Variants in ZNF366 observed in about 807,000 individuals in gnomAD.
ZNF366 encodes the protein zinc finger protein 366.
A neutral mutation model predicts 47.2 loss-of-function variants in ZNF366; 20 were observed. That is an observed-to-expected ratio of 0.42 (90% CI 0.30 to 0.62). The LOEUF (loss-of-function observed/expected upper bound fraction) is 0.62, where lower values mean the gene tolerates loss of function less well. Ranked by LOEUF, ZNF366 falls within the 20% of genes least tolerant of loss-of-function variation. The probability of loss-of-function intolerance (pLI) is 0.16; values close to 1 mark genes in which losing one functional copy is unlikely to be tolerated. For missense variants in ZNF366, 987 were observed against 976.3 expected (o/e 1.01, Z -0.15); for synonymous variants, 421 against 395.1 (o/e 1.07, Z -0.78).
At chr5:72,448,783 T>C (rs1418853204) in intron 3 of ZNF366, among the ~76,000 whole-genome samples, 8 of 152,338 alleles carry the variant, frequency 5.3e-5, no homozygotes, top group South Asian at 2.1e-4. Context: ...GAGATGAGTG[T>C]TGAGCTCGTC....
rs917339026 is a variant in ZNF366, at chr5:72,450,999, A to T, written c.1525-3582T>A. Among the ~76,000 whole-genome samples the T allele has an allele frequency of 3.3e-5, 5 of 152,350 alleles. No individual in the cohort carries two copies. In the East Asian group the frequency reaches 9.6e-4, roughly 29 times the overall value. On this transcript the variant is annotated intron_variant, in intron 3 of 4. Coordinates refer to ENST00000318442, the MANE Select transcript of ZNF366 (RefSeq NM_152625.3). ...CGAGAGGGAGGAGGAATGGATAGGA[A>T]GGACCACCAAATCTCTAGGTTCTTC...
At chr5:72,473,733 G>T (rs147539307) in intron 1 of ZNF366, among the ~76,000 whole-genome samples, 1 of 152,058 alleles carries the variant, frequency 6.6e-6, no homozygotes, top group African/African-American at 2.4e-5. Context: ...ACTGATCCCC[G>T]GGTTAAATGT....
intron 4 of ZNF366, among the ~76,000 whole-genome samples, chr5:72,446,774 G>T (rs1742969195): frequency 1.3e-5 from 2 of 152,154 alleles, no homozygotes; most frequent in South Asian, 4.1e-4. Context: ...AAGAAAAATT[G>T]CGTGCCCATT....
In ZNF366 at chr5:72,461,433, T is replaced by C; in HGVS notation, c.64A>G (p.Thr22Ala). ...TGCAGGCAGTGGGGAAAGGAGGGGG[T>C]CTTCTTCACAGCCAAGTCGAAATGC... Reference protein sequence around the residue: ...DVHFDLAVKKTPSFPHCLQPV... With the variant: ...DVHFDLAVKKAPSFPHCLQPV... Residue 22 changes from threonine (T) to alanine (A), a missense_variant, in exon 2 of 5, where the codon ACC becomes GCC. Coordinates refer to ENST00000318442, the MANE Select transcript of ZNF366 (RefSeq NM_152625.3). 1 of 1,606,270 alleles carries C rather than the reference T, an allele frequency of 6.2e-7. No homozygotes were observed. Among genetic ancestry groups the C allele is most frequent in the Non-Finnish European group, 8.5e-7 (1 of 1,174,524 alleles).
chr5:72,497,986 C>T (rs928726768), intron 1 of ZNF366, among the ~76,000 whole-genome samples: 1 of 151,754 alleles, frequency 6.6e-6, no homozygotes, highest in African/African-American at 2.4e-5. Flanking sequence ...CAAATGCTTC[C>T]TCCATTTTTT....
At chr5:72,455,928 A>C (rs945096666) in intron 3 of ZNF366, among the ~76,000 whole-genome samples, 6 of 152,100 alleles carry the variant, frequency 3.9e-5, no homozygotes, top group African/African-American at 1.4e-4. Context: ...GGCTCAGCCC[A>C]AGTGTCAAGA....
intron 1 of ZNF366, among the ~76,000 whole-genome samples, chr5:72,477,119 T>A (rs1743690048): frequency 6.6e-6 from 1 of 152,180 alleles, no homozygotes; most frequent in South Asian, 2.1e-4. Flanking sequence ...CTTTACAATA[T>A]TAAAAAAATT....
chr5:72,454,897 A>C (rs1366606921), intron 3 of ZNF366, among the ~76,000 whole-genome samples: 1 of 152,242 alleles, frequency 6.6e-6, no homozygotes, highest in Admixed American at 6.5e-5. Flanking sequence ...GCATGCAGCC[A>C]AGGCCTCACT....
chr5:72,464,659 A>T (rs1743394872), intron 1 of ZNF366, among the ~76,000 whole-genome samples: 1 of 152,174 alleles, frequency 6.6e-6, no homozygotes, highest in Admixed American at 6.5e-5. Flanking sequence ...TAATGTCATA[A>T]TATTAATTTC....
chr5:72,491,776 C>T (rs1374250923), intron 1 of ZNF366, among the ~76,000 whole-genome samples: 1 of 152,178 alleles, frequency 6.6e-6, no homozygotes, highest in Non-Finnish European at 1.5e-5. Context: ...GGCTGGGGAT[C>T]TAAAAATATA....
At chr5:72,459,992 T>C (rs889799551) in intron 2 of ZNF366, among the ~76,000 whole-genome samples, 173 bp downstream of exon 2, 2 of 152,224 alleles carry the variant, frequency 1.3e-5, no homozygotes, top group Non-Finnish European at 2.9e-5. Context: ...TTCTCTCTTA[T>C]TTAAACGTGA....
chr5:72,501,525 CCTT>C (rs1212071744), intron 1 of ZNF366, among the ~76,000 whole-genome samples: 1 of 152,170 alleles, frequency 6.6e-6, no homozygotes, highest in African/African-American at 2.4e-5. Context: ...GTGGTTTTGG[CCTT>C]CTTCAATTGG....
chr5:72,502,705 C>T (rs539337397), intron 1 of ZNF366, among the ~76,000 whole-genome samples: 14 of 152,228 alleles, frequency 9.2e-5, no homozygotes, highest in African/African-American at 3.1e-4. Flanking sequence ...GAAACAAAAC[C>T]TTATGAGATA....
chr5:72,458,007 T>A (rs1580235695), intron 2 of ZNF366, among the ~76,000 whole-genome samples: 1 of 144,554 alleles, frequency 6.9e-6, no homozygotes. Context: ...TATTTTAGCA[T>A]CTTTCTTTTT....
chr5:72,454,033 C>T (rs137970196), intron 3 of ZNF366, among the ~76,000 whole-genome samples: 6 of 152,156 alleles, frequency 3.9e-5, no homozygotes, highest in African/African-American at 1.4e-4. Flanking sequence ...TGTGCCAGGC[C>T]CATCTCTCCC....
At chr5:72,457,882 A>T (rs1230993739) in intron 2 of ZNF366, among the ~76,000 whole-genome samples, 3 of 152,196 alleles carry the variant, frequency 2.0e-5, no homozygotes, top group Non-Finnish European at 2.9e-5. Flanking sequence ...TCCTTTAGAA[A>T]TTAAATTTTG....
intron 3 of ZNF366, 57 bp downstream of exon 3, chr5:72,456,347 C>T: frequency 1.3e-6 from 2 of 1,533,762 alleles, no homozygotes; most frequent in Non-Finnish European, 8.9e-7. Flanking sequence ...CCCTGGGGAC[C>T]CTTTCCCATC....
rs1467277031 is a variant in ZNF366 at position 72,461,296 on chromosome 5, G to T, written c.201C>A (p.Phe67Leu). ...ACCCTGCTCCTTCGAAGACCCCGGG[G>T]AACCCATCTAGGTCTCCTGGGGGAG... is the stretch of plus-strand genomic sequence containing the variant. The part of the protein sequence containing the change: ...YEPPPGDLDG[F>L]PGVFEGAGSR... The change falls in exon 2 of 5, where the codon TTC becomes TTA. Residue 67 changes from phenylalanine to leucine, a missense_variant. Physicochemically the swap from Phe to Leu is conservative, Grantham distance 22 (BLOSUM62 0). Coordinates refer to ENST00000318442, the MANE Select transcript of ZNF366 (RefSeq NM_152625.3). 3 of 1,614,072 alleles carry T rather than the reference G, an allele frequency of 1.9e-6. No individual in the cohort carries two copies. In the Admixed American group the frequency reaches 5.0e-5, roughly 27 times the overall value.
At position 72,460,491 on chromosome 5, in the gene ZNF366, G is replaced by C; in HGVS notation, c.1006C>G (p.Pro336Ala). ...RHMMQHSEVK[P>A]HNCRVCGRGF... Reference sequence around the variant, plus strand: ...CGGCCGCACACGCGGCAGTTGTGCGGCTTCACCTCGCTGTGCTGCATCATG... The same window carrying C: ...CGGCCGCACACGCGGCAGTTGTGCGCCTTCACCTCGCTGTGCTGCATCATG... The change falls in exon 2 of 5, where the codon CCG becomes GCG. Residue 336 changes from proline to alanine, a missense_variant. Physicochemically the swap from Pro to Ala is conservative, Grantham distance 27. Transcript: ENST00000318442. The C allele has an allele frequency of 6.2e-7, 1 of 1,613,958 alleles. No homozygotes were observed. The highest frequency in any genetic ancestry group is 1.1e-5 in the South Asian group (1 of 91,066).
Sources: gnomAD v4.1 joint callset for allele counts (sites outside exome capture counted in the v4.1 genomes callset) on GRCh38, gnomAD v4.1.1 for gene constraint, MANE v1.5 for transcripts, NCBI Gene and HGNC (gene_info 2026-07-23, HGNC 2026-07-21) for gene names.